Variants in MACC1 observed in about 807,000 individuals in gnomAD.
MACC1 encodes the protein MET transcriptional regulator MACC1, also known as metastasis-associated in colon cancer protein 1.
A neutral mutation model predicts 70.7 loss-of-function variants in MACC1; 79 were observed. The observed-to-expected ratio is 1.12, with a 90% CI of 0.93 to 1.35. The LOEUF (loss-of-function observed/expected upper bound fraction) is 1.35. Ranked by LOEUF, MACC1 falls within the 40% of genes most tolerant of loss-of-function variation. The probability of loss-of-function intolerance (pLI) is 0.00; values close to 1 mark genes in which losing one functional copy is unlikely to be tolerated. For synonymous variants in MACC1, 361 were observed against 347.2 expected (o/e 1.04, Z -0.44); for missense variants, 1,106 against 978.1 (o/e 1.13, Z -1.74).
At chr7:20,172,452 G>C (rs188419050) in intron 1 of MACC1, among the ~76,000 whole-genome samples, 27 of 152,086 alleles carry the variant, frequency 1.8e-4, no homozygotes, top group African/African-American at 5.5e-4. Flanking sequence ...ACCATCATGA[G>C]GGAGAAAATA....
chr7:20,158,620 G>A lies in MACC1; in HGVS notation c.1741C>T (p.Leu581Phe). ...ATAGCTTTTACCTTACCTTCCCCGAGGAGAGCTATTGTGTCCCCTTTGAAA... is the reference window on the plus strand; with the variant it reads ...ATAGCTTTTACCTTACCTTCCCCGAAGAGAGCTATTGTGTCCCCTTTGAAA... ...EYFKGDTIAL[L>F]GEGKVKAIGQ... is the part of the protein sequence containing the mutation. The change falls in exon 5 of 7, where the codon CTC becomes TTC. Residue 581 changes from leucine to phenylalanine, a missense_variant. Coordinates refer to ENST00000400331, the MANE Select transcript of MACC1 (RefSeq NM_182762.4). 6.2e-7 allele frequency: 1 copy of A among 1,613,976 alleles called. No homozygotes were observed. Among genetic ancestry groups the A allele is most frequent in the Middle Eastern group, 1.6e-4 (1 of 6,062 alleles).
At chr7:20,178,383 T>C (rs1782446173) in intron 1 of MACC1, among the ~76,000 whole-genome samples, 1 of 152,154 alleles carries the variant, frequency 6.6e-6, no homozygotes, top group Non-Finnish European at 1.5e-5. Context: ...GCTTTTGTCC[T>C]GAATTAACAA....
rs1279147502 is a variant in MACC1 at position 20,159,196 on chromosome 7, T to G, written c.1165A>C (p.Thr389Pro). The G allele has an allele frequency of 1.2e-6, 2 of 1,613,980 alleles. No individual in the cohort carries two copies. Among genetic ancestry groups the G allele is most frequent in the Non-Finnish European group, 1.7e-6 (2 of 1,179,992 alleles). ...GGCATATAATTGTGTCCACAAACTG[T>G]TAAAACAACAGTAAAACTGGGATGG... is the stretch of plus-strand genomic sequence containing the variant. ...YIHPSFTVVL[T>P]VCGHNYMPGQ... Residue 389 changes from threonine (T) to proline (P), a missense_variant, in exon 5 of 7, where the codon ACA becomes CCA. Physicochemically the swap from Thr to Pro is conservative, Grantham distance 38. Transcript: ENST00000400331.
chr7:20,210,695 A>G (rs1193407126), intron 1 of MACC1, among the ~76,000 whole-genome samples: 1 of 152,180 alleles, frequency 6.6e-6, no homozygotes, highest in Non-Finnish European at 1.5e-5. Context: ...TAGCACTGCC[A>G]TCAATGAGGA....
chr7:20,214,924 C>A (rs1412912622), intron 1 of MACC1, among the ~76,000 whole-genome samples: 1 of 152,080 alleles, frequency 6.6e-6, no homozygotes, highest in East Asian at 1.9e-4. Flanking sequence ...GCACATTTTT[C>A]CAGGCCTGCT....
At position 20,136,462 on chromosome 7, in the gene MACC1, G is replaced by T. The variant is rs1309110657; in HGVS notation, c.*4484C>A. 6.6e-6 allele frequency: 1 copy of T among 152,162 alleles called. No individual in the cohort carries two copies. The highest frequency in any genetic ancestry group is 2.4e-5 in the African/African-American group (1 of 41,452). 9.4% of individuals were successfully genotyped at this position (152,162 alleles called of 1,614,324 possible). A position where few individuals can be genotyped will look rare whatever the true frequency, so the allele number is the denominator to read the frequency against. ...AGATGTACATAAATAGAAAATCAATGTAAAATATACATGCAAAAGATACAC... is the reference window on the plus strand; with the variant it reads ...AGATGTACATAAATAGAAAATCAATTTAAAATATACATGCAAAAGATACAC... On this transcript the variant is annotated 3_prime_UTR_variant, in exon 7 of 7. Coordinates refer to ENST00000400331, the MANE Select transcript of MACC1 (RefSeq NM_182762.4).
chr7:20,151,962 G>C (rs1285897300), intron 6 of MACC1, among the ~76,000 whole-genome samples: 1 of 152,136 alleles, frequency 6.6e-6, no homozygotes, highest in Non-Finnish European at 1.5e-5. Context: ...TTCCAGCTGT[G>C]TATGTTTAAG....
chr7:20,209,928 C>G (rs1436325914), intron 1 of MACC1, among the ~76,000 whole-genome samples: 3 of 152,144 alleles, frequency 2.0e-5, no homozygotes, highest in South Asian at 4.1e-4. Context: ...TTATAATTGT[C>G]CGGCATTTTC....
chr7:20,154,490 C>A, intron 5 of MACC1, 109 bp from the exon 6 acceptor site: 1 of 1,106,890 alleles, frequency 9.0e-7, no homozygotes, highest in East Asian at 2.6e-5. Context: ...TTTTTTTTCA[C>A]TACACGTATA....
chr7:20,181,108 A>G (rs1045702623), intron 1 of MACC1, among the ~76,000 whole-genome samples: 1 of 139,680 alleles, frequency 7.2e-6, no homozygotes, highest in Non-Finnish European at 1.5e-5. Context: ...GTGTGTGTGT[A>G]TAATTAACAT....
At chr7:20,183,248 T>C (rs1258468230) in intron 1 of MACC1, among the ~76,000 whole-genome samples, 4 of 152,226 alleles carry the variant, frequency 2.6e-5, no homozygotes, top group Non-Finnish European at 4.4e-5. Flanking sequence ...ATTGCTGGAC[T>C]GAAGACTGAG....
intron 1 of MACC1, among the ~76,000 whole-genome samples, chr7:20,214,797 T>C (rs1020818916): frequency 1.3e-5 from 2 of 152,196 alleles, no homozygotes; most frequent in African/African-American, 4.8e-5. Context: ...ATCTTAATGT[T>C]ATTGTTATTG....
At chr7:20,189,316 CAA>C (rs1782637363) in intron 1 of MACC1, among the ~76,000 whole-genome samples, 1 of 152,078 alleles carries the variant, frequency 6.6e-6, no homozygotes, top group Admixed American at 6.6e-5. Context: ...ATGCAAGCAC[CAA>C]AAGAGTGACA....
Position 20,203,497 on chromosome 7 carries a change from TGCATCCAATTTTTAAGTCA to T in MACC1, c.-218+13783_-218+13801del, listed in dbSNP as rs1233027535. Among the ~76,000 whole-genome samples, 6 of 152,336 alleles carry T rather than the reference TGCATCCAATTTTTAAGTCA, an allele frequency of 3.9e-5. No homozygotes were observed. In the East Asian group the frequency reaches 1.2e-3, roughly 29 times the overall value. On this transcript the variant is annotated intron_variant, in intron 1 of 6. Transcript: ENST00000400331. ...ACGGCTAAACCTATGAAGTGAATGA[TGCATCCAATTTTTAAGTCA>T]GCTAAAGCCTCCCTGAGCTCTGGTT... is the stretch of plus-strand genomic sequence containing the variant.
chr7:20,213,164 A>G (rs186015100), intron 1 of MACC1, among the ~76,000 whole-genome samples: 1 of 152,372 alleles, frequency 6.6e-6, no homozygotes, highest in East Asian at 1.9e-4. Flanking sequence ...GCTACCAATC[A>G]TATGAAAAAA....
intron 1 of MACC1, among the ~76,000 whole-genome samples, chr7:20,185,251 T>C (rs1219171231): frequency 3.3e-5 from 5 of 152,196 alleles, no homozygotes; most frequent in Admixed American, 2.6e-4. Context: ...TCCCAGCCAT[T>C]TCTGCTTTGG....
chr7:20,165,781 A>G lies in MACC1; in HGVS notation c.-152-1382T>C, dbSNP rs953176069. Among the ~76,000 whole-genome samples the G allele has an allele frequency of 6.6e-5, 10 of 152,136 alleles. 1 individual carries two copies. The East Asian group carries it at 1.3e-3, about 20-fold the overall frequency. ...AATAGAGTACTCTAGTATTCATTTA[A>G]TTTGGGACATGGTTTTTCAATATGC... On this transcript the variant is annotated intron_variant, in intron 2 of 6. Transcript: ENST00000400331.
chr7:20,212,192 G>A (rs896947275), intron 1 of MACC1, among the ~76,000 whole-genome samples: 3 of 152,184 alleles, frequency 2.0e-5, no homozygotes, highest in Admixed American at 6.6e-5. Context: ...ACTGGGAGGT[G>A]AGTACATAAG....
At chr7:20,152,698 A>G (rs1303775996) in intron 6 of MACC1, among the ~76,000 whole-genome samples, 1 of 152,208 alleles carries the variant, frequency 6.6e-6, no homozygotes, top group Non-Finnish European at 1.5e-5. Flanking sequence ...GCAAAAGTAA[A>G]TAATGGAAAA....
Sources: gnomAD v4.1 joint callset for allele counts (sites outside exome capture counted in the v4.1 genomes callset) on GRCh38, gnomAD v4.1.1 for gene constraint, MANE v1.5 for transcripts, NCBI Gene and HGNC (gene_info 2026-07-23, HGNC 2026-07-21) for gene names.